The following CCSER1 variants were observed in gnomAD, a reference collection of about 807,000 sequenced individuals.
CCSER1 encodes serine-rich coiled-coil domain-containing protein 1.
CCSER1 carries 41 observed loss-of-function variants against 82.0 expected under a neutral mutation model. The observed-to-expected ratio is 0.50, with a 90% CI of 0.39 to 0.65. The LOEUF (loss-of-function observed/expected upper bound fraction) is 0.65. CCSER1 is among the 30% of genes least tolerant of loss of function. CCSER1 has a pLI of 0.00. For missense variants in CCSER1, 1,119 were observed against 1,064.2 expected (o/e 1.05, Z -0.72); for synonymous variants, 414 against 383.9 (o/e 1.08, Z -0.92).
At chr4:91,386,394 G>A (rs1751290010) in intron 10 of CCSER1, among the ~76,000 whole-genome samples, 1 of 152,036 alleles carries the variant, frequency 6.6e-6, no homozygotes, top group African/African-American at 2.4e-5. Context: ...GTATTAAAGA[G>A]ATGGCAAATA....
chr4:90,342,345 G>A (rs6827827), intron 3 of CCSER1, among the ~76,000 whole-genome samples: 46,033 of 151,890 alleles, frequency 0.3, 7,142 homozygotes, highest in East Asian at 0.44. Context: ...TACCATTTGG[G>A]CAATTTCACG....
chr4:91,238,654 A>G (rs750475468), intron 10 of CCSER1, among the ~76,000 whole-genome samples: 5 of 152,160 alleles, frequency 3.3e-5, no homozygotes, highest in Non-Finnish European at 5.9e-5. Flanking sequence ...AAGGTCATCA[A>G]TGAAGATAAT....
At chr4:90,892,065 C>A (rs561851371) in intron 8 of CCSER1, among the ~76,000 whole-genome samples, 1 of 152,100 alleles carries the variant, frequency 6.6e-6, no homozygotes, top group East Asian at 1.9e-4. Flanking sequence ...CATCATCCAG[C>A]AAAGTAAAAT....
chr4:90,256,797 C>A (rs1723376170), intron 1 of CCSER1, among the ~76,000 whole-genome samples: 1 of 152,080 alleles, frequency 6.6e-6, no homozygotes, highest in African/African-American at 2.4e-5. Flanking sequence ...AAGTTATCTG[C>A]AGTCAACCAT....
At chr4:90,911,742 G>T (rs1726400177) in intron 8 of CCSER1, among the ~76,000 whole-genome samples, 1 of 152,152 alleles carries the variant, frequency 6.6e-6, no homozygotes, top group South Asian at 2.1e-4. Context: ...AAGCAAAGGG[G>T]TGACAGACGG....
At chr4:91,054,866 T>G (rs917967696) in intron 9 of CCSER1, among the ~76,000 whole-genome samples, 1 of 152,166 alleles carries the variant, frequency 6.6e-6, no homozygotes, top group Non-Finnish European at 1.5e-5. Flanking sequence ...TTTTGGAGCA[T>G]GTCAGATTTA....
intron 9 of CCSER1, among the ~76,000 whole-genome samples, chr4:91,065,912 AATTT>A (rs1158814322): frequency 1.3e-5 from 2 of 152,204 alleles, no homozygotes; most frequent in Admixed American, 1.3e-4. Context: ...AATATGTACT[AATTT>A]ATTCTAAATG....
At chr4:91,264,571 C>T (rs1741429515) in intron 10 of CCSER1, among the ~76,000 whole-genome samples, 1 of 151,964 alleles carries the variant, frequency 6.6e-6, no homozygotes, top group Non-Finnish European at 1.5e-5. Context: ...CCATGAAACA[C>T]TCTCGCACTA....
Position 90,818,361 on chromosome 4 carries a change from T to C in CCSER1, c.2094+2516T>C, listed in dbSNP as rs576929993. Among the ~76,000 whole-genome samples, 5 of 150,620 alleles carry C rather than the reference T, an allele frequency of 3.3e-5. No individual in the cohort carries two copies. The South Asian group carries it at 1.1e-3, about 32-fold the overall frequency. On this transcript the variant is annotated intron_variant, in intron 8 of 10. Transcript: ENST00000509176. ...CATGATCTCAGCTCACTGTGCAACCTCCACCTCCTGGGTTCAAGCGATTCT... is the reference window on the plus strand; with the variant it reads ...CATGATCTCAGCTCACTGTGCAACCCCCACCTCCTGGGTTCAAGCGATTCT...
At chr4:90,759,002 C>G (rs1396807000) in intron 7 of CCSER1, among the ~76,000 whole-genome samples, 1 of 152,124 alleles carries the variant, frequency 6.6e-6, no homozygotes, top group African/African-American at 2.4e-5. Flanking sequence ...TCCTTCCAGT[C>G]TGTTTTCTCT....
intron 10 of CCSER1, among the ~76,000 whole-genome samples, chr4:91,193,504 A>T (rs1379349622): frequency 6.6e-6 from 1 of 152,148 alleles, no homozygotes; most frequent in Non-Finnish European, 1.5e-5. Flanking sequence ...TAAATTACGT[A>T]ATCTCCTCAT....
chr4:90,384,676 C>T (rs866102596), intron 3 of CCSER1, among the ~76,000 whole-genome samples: 4 of 152,108 alleles, frequency 2.6e-5, no homozygotes, highest in African/African-American at 9.7e-5. Context: ...CCTCTCTGTT[C>T]CAGTCATCCA....
chr4:90,510,252 T>C (rs944471997), intron 5 of CCSER1, among the ~76,000 whole-genome samples: 7 of 152,220 alleles, frequency 4.6e-5, no homozygotes, highest in Non-Finnish European at 8.8e-5. Flanking sequence ...TTTTTAACCT[T>C]CGCTGAAATG....
chr4:91,447,791 T>G (rs1366946767), intron 10 of CCSER1, among the ~76,000 whole-genome samples: 1 of 152,118 alleles, frequency 6.6e-6, no homozygotes, highest in African/African-American at 2.4e-5. Flanking sequence ...GAAAGTACAG[T>G]AATACAGTAC....
At chr4:90,931,644 A>T (rs13135875) in intron 9 of CCSER1, among the ~76,000 whole-genome samples, 64,597 of 151,954 alleles carry the variant, frequency 0.43, 14,299 homozygotes, top group African/African-American at 0.55. Context: ...TTCACTAGGC[A>T]ATCAGATTTC....
intron 10 of CCSER1, among the ~76,000 whole-genome samples, chr4:91,271,269 CT>C (rs200810117): frequency 9.3e-5 from 14 of 151,316 alleles, no homozygotes; most frequent in Admixed American, 3.3e-4. Flanking sequence ...TAGCATAGTA[CT>C]TTTTTTTTCC....
intron 9 of CCSER1, among the ~76,000 whole-genome samples, chr4:91,049,761 CA>C (rs1439921508): frequency 6.6e-6 from 1 of 152,166 alleles, no homozygotes; most frequent in Non-Finnish European, 1.5e-5. Flanking sequence ...AGATGATTAA[CA>C]AGTATCAATT....
At chr4:90,259,121 T>C (rs1430247138) in intron 1 of CCSER1, among the ~76,000 whole-genome samples, 1 of 152,174 alleles carries the variant, frequency 6.6e-6, no homozygotes, top group East Asian at 1.9e-4. Context: ...GAGCATGGGA[T>C]GTGTTTTCAT....
In CCSER1 at chr4:90,932,915, AAAG is replaced by A. The variant is rs1318025100; in HGVS notation, c.2172+9471_2172+9473del. Among the ~76,000 whole-genome samples the A allele has an allele frequency of 4.3e-4, 7 of 16,274 alleles. 2 individuals are homozygous for A. The highest frequency in any genetic ancestry group is 7.3e-4 in the Non-Finnish European group (7 of 9,628). 10.7% of individuals were successfully genotyped at this position (16,274 alleles called of 152,430 possible). Reference sequence around the variant, plus strand: ...GAAGGAAGGAGAAAGAAGGAGAAAGAAAGAAAGAAAGAAAGAAAGAAAGAAAGA... The same window carrying A: ...GAAGGAAGGAGAAAGAAGGAGAAAGAAAAGAAAGAAAGAAAGAAAGAAAGA... On this transcript the variant is annotated intron_variant, in intron 9 of 10. Coordinates refer to ENST00000509176, the MANE Select transcript of CCSER1 (RefSeq NM_001145065.2).
Sources: gnomAD v4.1 joint callset for allele counts (sites outside exome capture counted in the v4.1 genomes callset) on GRCh38, gnomAD v4.1.1 for gene constraint, MANE v1.5 for transcripts, NCBI Gene and HGNC (gene_info 2026-07-23, HGNC 2026-07-21) for gene names.